The following BPIFB3 variants were observed in gnomAD, a reference collection of about 807,000 sequenced individuals.
BPIFB3 encodes the protein BPI fold-containing family B member 3.
In BPIFB3, 49 loss-of-function variants were observed where a neutral mutation model predicts 53.1. That is an observed-to-expected ratio of 0.92 (90% CI 0.73 to 1.17). The LOEUF is 1.17. Ranked by LOEUF, BPIFB3 falls within the 50% of genes most tolerant of loss-of-function variation. The pLI is 0.00. For missense variants in BPIFB3, 628 were observed against 592.5 expected, an observed-to-expected ratio of 1.06 and a Z score of -0.62; for synonymous variants, 271 against 269.6, an observed-to-expected ratio of 1.01 and a Z score of -0.05.
chr20:33,060,772 C>T (rs1237059834), intron 4 of BPIFB3, among the ~76,000 whole-genome samples: 2 of 152,116 alleles, frequency 1.3e-5, no homozygotes, highest in African/African-American at 4.8e-5. Context: ...ACCATGTTGG[C>T]CAGGCTGGTC....
At chr20:33,058,979 T>C (rs1980327818) in intron 2 of BPIFB3, among the ~76,000 whole-genome samples, 1 of 152,004 alleles carries the variant, frequency 6.6e-6, no homozygotes, top group African/African-American at 2.4e-5. Flanking sequence ...CCCACTCGGG[T>C]TGCATTTGTG....
chr20:33,062,585 C>T (rs939032301), intron 5 of BPIFB3, among the ~76,000 whole-genome samples: 11 of 152,232 alleles, frequency 7.2e-5, no homozygotes, highest in Non-Finnish European at 1.5e-4. Context: ...TGCATTTCAA[C>T]GGCAGCCCCT....
chr20:33,055,513 G>C, exon 1 of BPIFB3: 1 of 1,613,596 alleles, frequency 6.2e-7, no homozygotes, highest in South Asian at 1.1e-5. Context: ...CGGTGGGCAC[G>C]CTCGCTCGGA....
Position 33,072,736 on chromosome 20 carries a change from TCCCC to T in BPIFB3, c.1345_1348del (p.Pro449CysfsTer17). 6.2e-7 allele frequency: 1 copy of T among 1,612,964 alleles called. No homozygotes were observed. The highest frequency in any genetic ancestry group is 8.5e-7 in the Non-Finnish European group (1 of 1,178,952). ...TCACAGTGGCCCTGGATGTTGGAAT[TCCCC>T]TGCCTAAGGTTCTTAATATCAATTT... On this transcript the variant is annotated frameshift_variant, in exon 14 of 15. Coordinates refer to ENST00000375494, the Ensembl canonical transcript of BPIFB3. LOFTEE classifies it high-confidence loss of function.
At chr20:33,061,488 A>G (rs544993072) in intron 4 of BPIFB3, among the ~76,000 whole-genome samples, 2 of 152,320 alleles carry the variant, frequency 1.3e-5, no homozygotes, top group Non-Finnish European at 2.9e-5. Flanking sequence ...ACATTTGTCA[A>G]GCACAGATTT....
chr20:33,061,696 C>T, intron 4 of BPIFB3, 72 bp from the exon 6 acceptor site: 3 of 1,473,788 alleles, frequency 2.0e-6, no homozygotes, highest in South Asian at 2.3e-5. Flanking sequence ...CCCCTAGTGT[C>T]CGCCCGACCC....
rs6057717 is a variant in BPIFB3 at position 33,068,826 on chromosome 20, C to A, written c.1002C>A (p.His334Gln). Reference sequence around the variant, plus strand: ...AGGCCCTGGGGAAGCTGCCCCTGCACCAGCAACTCCTACTGTTCCTGCGGG... The same window carrying A: ...AGGCCCTGGGGAAGCTGCCCCTGCAACAGCAACTCCTACTGTTCCTGCGGG... The change falls in exon 10 of 15, where the codon CAC becomes CAA. Residue 334 changes from histidine to glutamine, a missense_variant. Physicochemically the swap from His to Gln is conservative, Grantham distance 24. Coordinates refer to ENST00000375494, the Ensembl canonical transcript of BPIFB3. 46 of 1,613,498 alleles carry A rather than the reference C, an allele frequency of 2.9e-5. No individual in the cohort carries two copies. The South Asian group carries it at 4.8e-4, about 17-fold the overall frequency.
At chr20:33,063,253 A>T (rs575513663) in intron 5 of BPIFB3, among the ~76,000 whole-genome samples, 5 of 152,190 alleles carry the variant, frequency 3.3e-5, no homozygotes, top group African/African-American at 1.2e-4. Flanking sequence ...ATGGCAGGGG[A>T]TGGCCTGTGA....
Position 33,056,570 on chromosome 20 carries a change from C to T in BPIFB3, c.153C>T (p.Pro51=), listed in dbSNP as rs1980214170. 2.5e-6 allele frequency: 4 copies of T among 1,613,862 alleles called. No homozygotes were observed. The African/African-American group carries it at 5.3e-5, about 22-fold the overall frequency. ...TCCAGAACTCACTGGTTGGGGAGCCCATTCTGCAGAATGTGCTGGGATCGG... is the reference window on the plus strand; with the variant it reads ...TCCAGAACTCACTGGTTGGGGAGCCTATTCTGCAGAATGTGCTGGGATCGG... The change falls in exon 2 of 15, where the codon CCC becomes CCT. Residue 51 remains proline, a synonymous_variant. Transcript: ENST00000375494.
rs45499201 is a variant in BPIFB3, at chr20:33,072,121, A to G, written c.1278A>G (p.Glu426=). 8.0e-3 allele frequency: 12,905 copies of G among 1,614,126 alleles called. 756 individuals are homozygous for G. The African/African-American group carries it at 0.14, about 17-fold the overall frequency. Residue 426 remains glutamate, a synonymous_variant, in exon 13 of 15, where the codon GAA becomes GAG. Transcript: ENST00000375494. ...TGTTGCAGGGATCGCGTTTAGAAGA[A>G]TGGCTCAGCCATGTGGTCGGGGCAG... is the stretch of plus-strand genomic sequence containing the variant.
In BPIFB3 at chr20:33,064,456, G is replaced by A. The variant is rs1387683696; in HGVS notation, c.653-1G>A. On this transcript the variant is annotated splice_acceptor_variant, in intron 6 of 14. Coordinates refer to ENST00000375494, the Ensembl canonical transcript of BPIFB3. LOFTEE classifies it high-confidence loss of function. Reference sequence around the variant, plus strand: ...GTTCTCGCCCCCACTTTCCCACGCAGGCCTGGTGTCCCTTGGGGCTCTTGG... The same window carrying A: ...GTTCTCGCCCCCACTTTCCCACGCAAGCCTGGTGTCCCTTGGGGCTCTTGG... The A allele has an allele frequency of 1.2e-6, 2 of 1,613,806 alleles. No homozygotes were observed. Among genetic ancestry groups the A allele is most frequent in the South Asian group, 1.1e-5 (1 of 91,058 alleles).
chr20:33,057,448 C>T (rs568583364), intron 2 of BPIFB3, among the ~76,000 whole-genome samples: 83 of 46,606 alleles, frequency 1.8e-3, no homozygotes, highest in Non-Finnish European at 2.7e-3. Context: ...CTCGGCCTCC[C>T]GAAGTGCTGG....
intron 12 of BPIFB3, 127 bp from the exon 14 acceptor site, chr20:33,071,977 G>A (rs1980917903): frequency 3.3e-6 from 3 of 896,282 alleles, no homozygotes; most frequent in Admixed American, 2.0e-5. Flanking sequence ...CAGGAGCTGT[G>A]TCCTCAGGCT....
chr20:33,063,648 G>A (rs1980542294), exon 6 of BPIFB3: 1 of 1,613,978 alleles, frequency 6.2e-7, no homozygotes, highest in South Asian at 1.1e-5. Context: ...GCTGGGTGTG[G>A]TGAATGAGCT....
intron 4 of BPIFB3, 59 bp downstream of exon 5, chr20:33,060,090 C>G: frequency 6.3e-7 from 1 of 1,578,428 alleles, no homozygotes; most frequent in Non-Finnish European, 8.6e-7. Context: ...TCGCACCCAT[C>G]TGGGCATCTC....
rs551798571 is a variant in BPIFB3, at chr20:33,064,158, C to T, written c.653-299C>T. Among the ~76,000 whole-genome samples the T allele has an allele frequency of 2.0e-3, 303 of 152,214 alleles. 1 individual carries two copies. Among genetic ancestry groups the T allele is most frequent in the African/African-American group, 7.0e-3 (289 of 41,518 alleles). ...AGGAAAAGAATAGAAAACTTGGGGC[C>T]GGTATGTCTCTATGGGTGGTGTTAT... On this transcript the variant is annotated intron_variant, in intron 6 of 14. Transcript: ENST00000375494.
At chr20:33,054,054 C>T (rs763105337), upstream of BPIFB3, among the ~76,000 whole-genome samples, 3 of 152,058 alleles carry the variant, frequency 2.0e-5, no homozygotes, top group Admixed American at 6.5e-5. Flanking sequence ...ATGATGGGCA[C>T]GGAAAGAACT....
chr20:33,071,972 GC>G lies in BPIFB3; in HGVS notation c.1261-131del, dbSNP rs1980917788. On this transcript the variant is annotated intron_variant, in intron 12 of 14. Transcript: ENST00000375494. ...CCCAAGTGCCCAGTGCCTGCCAGGA[GC>G]TGTGTCCTCAGGCTTGGGGGAGGCT... 9.4e-6 allele frequency: 8 copies of G among 849,752 alleles called. No individual in the cohort carries two copies. In the Admixed American group the frequency reaches 1.6e-4, roughly 17 times the overall value. 52.6% of individuals were successfully genotyped at this position (849,752 alleles called of 1,614,324 possible). A position where few individuals can be genotyped will look rare whatever the true frequency, so the allele number is the denominator to read the frequency against.
chr20:33,067,015 A>ATT, intron 9 of BPIFB3, 138 bp downstream of exon 10: 25 of 856,582 alleles, frequency 2.9e-5, no homozygotes, highest in Non-Finnish European at 4.3e-5. Context: ...TAAAGTGTGA[A>ATT]TGACTAACAC....
Sources: gnomAD v4.1 joint callset for allele counts (sites outside exome capture counted in the v4.1 genomes callset) on GRCh38, gnomAD v4.1.1 for gene constraint, MANE v1.5 for transcripts, NCBI Gene and HGNC (gene_info 2026-07-23, HGNC 2026-07-21) for gene names.